The following VWA8 variants were observed in gnomAD, a reference collection of about 807,000 sequenced individuals.
VWA8 encodes von Willebrand factor A domain containing 8, also known as von Willebrand factor A domain-containing protein 8.
In VWA8, 221 loss-of-function variants were observed where a neutral mutation model predicts 241.5. The ratio of observed to expected loss-of-function variants is 0.91; its 90% CI spans 0.82 to 1.02. The LOEUF (loss-of-function observed/expected upper bound fraction) is 1.02. Ranked by LOEUF, VWA8 falls within the 50% of genes least tolerant of loss-of-function variation. The pLI, the probability that VWA8 is intolerant of heterozygous loss-of-function variation, is 0.00. For missense variants in VWA8, 2,322 were observed against 2,328.7 expected (o/e 1.00, Z 0.06); for synonymous variants, 852 against 827.1 (o/e 1.03, Z -0.52).
At chr13:41,743,824 G>C (rs888263945) in intron 21 of VWA8, among the ~76,000 whole-genome samples, 1 of 152,150 alleles carries the variant, frequency 6.6e-6, no homozygotes, top group Non-Finnish European at 1.5e-5. Flanking sequence ...GTTCATTGTT[G>C]TATTCTCAAG....
At chr13:41,923,501 T>G (rs1445774981) in intron 2 of VWA8, among the ~76,000 whole-genome samples, 1 of 151,980 alleles carries the variant, frequency 6.6e-6, no homozygotes, top group Non-Finnish European at 1.5e-5. Context: ...ACTTTTGCCT[T>G]GGAAAGTGAA....
At chr13:41,906,812 A>G (rs1424005934) in intron 4 of VWA8, among the ~76,000 whole-genome samples, 2 of 152,198 alleles carry the variant, frequency 1.3e-5, no homozygotes, top group Non-Finnish European at 2.9e-5. Context: ...TGCCATCAAC[A>G]GCAATGCTGT....
chr13:41,581,487 G>A (rs2044383289), intron 42 of VWA8, among the ~76,000 whole-genome samples: 2 of 152,126 alleles, frequency 1.3e-5, no homozygotes, highest in African/African-American at 4.8e-5. Context: ...CTGCACAAAA[G>A]CCCAGCTTAT....
In VWA8 at chr13:41,793,974, T is replaced by C. The variant is rs142623033; in HGVS notation, c.2064-6431A>G. 3.7e-4 allele frequency among the ~76,000 whole-genome samples: 56 copies of C among 152,286 alleles called. 1 individual carries two copies. In the South Asian group the frequency reaches 0.012, roughly 32 times the overall value. On this transcript the variant is annotated intron_variant, in intron 17 of 44. Transcript: ENST00000379310. ...ATGTGTGATCTTAGAATTTCTGAGT[T>C]CTCTATTCTGTTCCATTGGTCTACG...
intron 37 of VWA8, among the ~76,000 whole-genome samples, chr13:41,615,367 G>C (rs916752220): frequency 6.6e-6 from 1 of 152,160 alleles, no homozygotes; most frequent in African/African-American, 2.4e-5. Flanking sequence ...ACCAAGCTGT[G>C]AGCATTTACA....
At chr13:41,957,312 G>A (rs769371468) in intron 1 of VWA8, among the ~76,000 whole-genome samples, 1 of 152,122 alleles carries the variant, frequency 6.6e-6, no homozygotes, top group Non-Finnish European at 1.5e-5. Context: ...CTTACTTGCC[G>A]CTATGTAAGA....
At chr13:41,774,785 A>T (rs748548781) in intron 20 of VWA8, among the ~76,000 whole-genome samples, 1 of 152,210 alleles carries the variant, frequency 6.6e-6, no homozygotes, top group African/African-American at 2.4e-5. Flanking sequence ...AAAGGCCCTA[A>T]TTAGAAGGAA....
At chr13:41,769,763 T>C (rs1344789467) in intron 20 of VWA8, among the ~76,000 whole-genome samples, 1 of 152,136 alleles carries the variant, frequency 6.6e-6, no homozygotes, top group African/African-American at 2.4e-5. Context: ...TCGTGAAAGG[T>C]GGAAAATAAA....
chr13:41,762,154 T>C (rs990124619), intron 20 of VWA8, among the ~76,000 whole-genome samples: 1 of 152,140 alleles, frequency 6.6e-6, no homozygotes, highest in African/African-American at 2.4e-5. Flanking sequence ...TTTGGATTTT[T>C]AGATTAGGGA....
At chr13:41,906,512 C>G (rs1398532516) in intron 4 of VWA8, among the ~76,000 whole-genome samples, 1 of 152,040 alleles carries the variant, frequency 6.6e-6, no homozygotes, top group Admixed American at 6.5e-5. Context: ...CACATCTTTC[C>G]TATCAGTACG....
intron 12 of VWA8, among the ~76,000 whole-genome samples, chr13:41,846,250 T>C (rs1160294946): frequency 6.6e-6 from 1 of 152,182 alleles, no homozygotes; most frequent in Non-Finnish European, 1.5e-5. Context: ...AAATCAAGAT[T>C]GGTGTAATTA....
At chr13:41,635,164 CTA>C (rs1157821384) in intron 37 of VWA8, among the ~76,000 whole-genome samples, 3 of 152,104 alleles carry the variant, frequency 2.0e-5, no homozygotes, top group Non-Finnish European at 4.4e-5. Context: ...ACTATTCTAA[CTA>C]AAATTCTACT....
chr13:41,819,119 A>G (rs1000012502), intron 15 of VWA8, 99 bp downstream of exon 15: 6 of 1,328,820 alleles, frequency 4.5e-6, no homozygotes, highest in Non-Finnish European at 6.0e-6. Context: ...ATGGGAAGAA[A>G]AAACTAAAAA....
At chr13:41,739,836 TTTGTTTTTTTTGTTTTTTTTG>T (rs2137876286) in intron 21 of VWA8, among the ~76,000 whole-genome samples, 1 of 56,098 alleles carries the variant, frequency 1.8e-5, no homozygotes. Context: ...TGTTTTTTTT[TTTGTTTTTTTTGTTTTTTTTG>T]TTTTTTTTTT....
At chr13:41,710,936 C>T (rs527496505) in intron 26 of VWA8, among the ~76,000 whole-genome samples, 4 of 152,264 alleles carry the variant, frequency 2.6e-5, no homozygotes, top group African/African-American at 9.6e-5. Flanking sequence ...CTATTGATGG[C>T]ACAACTATGT....
intron 17 of VWA8, among the ~76,000 whole-genome samples, chr13:41,805,168 C>T (rs1280062827): frequency 1.3e-5 from 2 of 152,120 alleles, no homozygotes; most frequent in African/African-American, 2.4e-5. Context: ...TCAAGAAACA[C>T]ACTTCACATA....
At chr13:41,711,853 G>A (rs1340287876) in intron 26 of VWA8, among the ~76,000 whole-genome samples, 1 of 151,314 alleles carries the variant, frequency 6.6e-6, no homozygotes, top group Non-Finnish European at 1.5e-5. Context: ...CAGCCTGGGC[G>A]ACAGAGCGAG....
intron 37 of VWA8, among the ~76,000 whole-genome samples, chr13:41,667,204 C>A (rs534367291): frequency 1.1e-4 from 16 of 152,206 alleles, no homozygotes; most frequent in African/African-American, 3.6e-4. Context: ...CTTCAAAAAT[C>A]AAAACTGCTA....
intron 14 of VWA8, among the ~76,000 whole-genome samples, chr13:41,828,183 G>A (rs1464897951): frequency 1.3e-5 from 2 of 152,128 alleles, no homozygotes; most frequent in East Asian, 3.9e-4. Context: ...GACTTGTAAA[G>A]AGACAGGAAG....
Sources: gnomAD v4.1 joint callset for allele counts (sites outside exome capture counted in the v4.1 genomes callset) on GRCh38, gnomAD v4.1.1 for gene constraint, MANE v1.5 for transcripts, NCBI Gene and HGNC (gene_info 2026-07-23, HGNC 2026-07-21) for gene names.